The following RFX3 variants were observed in gnomAD, a reference collection of about 807,000 sequenced individuals.
RFX3 encodes regulatory factor X3.
RFX3 carries 14 observed loss-of-function variants against 98.6 expected under a neutral mutation model. The observed-to-expected ratio is 0.14, with a 90% CI of 0.09 to 0.22. The LOEUF (loss-of-function observed/expected upper bound fraction) is 0.22. Among genes scored for constraint, RFX3 ranks in the 10% least tolerant of loss-of-function variants. The pLI is 1.00. For missense variants in RFX3, 639 were observed against 926.9 expected (o/e 0.69, Z 4.03); for synonymous variants, 383 against 328.4 (o/e 1.17, Z -1.80).
intron 14 of RFX3, among the ~76,000 whole-genome samples, chr9:3,253,354 C>G (rs1343328877): frequency 2.6e-5 from 4 of 152,102 alleles, no homozygotes; most frequent in Non-Finnish European, 5.9e-5. Flanking sequence ...CATATATTGT[C>G]CAGTTGTAGG....
intron 2 of RFX3, among the ~76,000 whole-genome samples, chr9:3,381,044 A>C (rs997554509): frequency 6.6e-6 from 1 of 151,646 alleles, no homozygotes; most frequent in African/African-American, 2.4e-5. Context: ...AAAATAATTA[A>C]AGAAACACTC....
intron 1 of RFX3, among the ~76,000 whole-genome samples, chr9:3,406,881 T>C (rs971531864): frequency 3.9e-5 from 6 of 152,206 alleles, no homozygotes; most frequent in African/African-American, 1.4e-4. Context: ...TATAGTTTTT[T>C]AAAATAAAGA....
intron 3 of RFX3, among the ~76,000 whole-genome samples, chr9:3,342,164 T>C (rs1313637474): frequency 6.6e-6 from 1 of 152,236 alleles, no homozygotes; most frequent in Non-Finnish European, 1.5e-5. Context: ...TGTCAATATA[T>C]ATTAGTGTAC....
At chr9:3,362,268 T>C (rs964017012) in intron 2 of RFX3, among the ~76,000 whole-genome samples, 4 of 152,236 alleles carry the variant, frequency 2.6e-5, no homozygotes, top group Non-Finnish European at 5.9e-5. Flanking sequence ...AGCCCTTCCA[T>C]GTCAAAGAAT....
chr9:3,368,132 T>C (rs1837415782), intron 2 of RFX3, among the ~76,000 whole-genome samples: 1 of 152,200 alleles, frequency 6.6e-6, no homozygotes, highest in African/African-American at 2.4e-5. Context: ...GAAAATGCAA[T>C]TTATTGCATA....
At chr9:3,348,536 G>C (rs1383985749) in intron 2 of RFX3, among the ~76,000 whole-genome samples, 1 of 151,398 alleles carries the variant, frequency 6.6e-6, no homozygotes, top group Non-Finnish European at 1.5e-5. Flanking sequence ...TCATTTATTA[G>C]CAAAATCCTT....
In RFX3 at chr9:3,330,458, T is replaced by A; in HGVS notation, c.275A>T (p.Asn92Ile). The A allele has an allele frequency of 6.2e-7, 1 of 1,614,050 alleles. No individual in the cohort carries two copies. The highest frequency in any genetic ancestry group is 8.5e-7 in the Non-Finnish European group (1 of 1,179,948). ...GGAACTCCCTTGAGTATCAAAGTAA[T>A]TCCCTCCAGTATTTTGGCTGTACAT... Reference protein sequence around the residue: ...TQMYSQNTGGNYFDTQGSSAQ... With the variant: ...TQMYSQNTGGIYFDTQGSSAQ... Residue 92 changes from asparagine (N) to isoleucine (I), a missense_variant, in exon 4 of 17, where the codon AAT (asparagine) becomes ATT (isoleucine). Transcript: ENST00000617270.
intron 15 of RFX3, among the ~76,000 whole-genome samples, chr9:3,238,001 C>T (rs1335702548): frequency 1.3e-5 from 2 of 151,966 alleles, no homozygotes; most frequent in Non-Finnish European, 2.9e-5. Flanking sequence ...TTGTGTGCTC[C>T]CAGACAAGTT....
chr9:3,449,364 TCA>T (rs777836832), intron 1 of RFX3, among the ~76,000 whole-genome samples: 5 of 152,322 alleles, frequency 3.3e-5, no homozygotes, highest in South Asian at 2.1e-4. Context: ...CTTCTCTGCC[TCA>T]CACAGTTTTT....
chr9:3,464,416 A>C (rs1848008856), intron 1 of RFX3, among the ~76,000 whole-genome samples: 1 of 152,226 alleles, frequency 6.6e-6, no homozygotes, highest in Non-Finnish European at 1.5e-5. Flanking sequence ...CAGAACAACC[A>C]AATTGCGGTA....
At chr9:3,490,132 C>A (rs1850622589) in intron 1 of RFX3, 1 of 159,000 alleles carries the variant, frequency 6.3e-6, no homozygotes, top group Non-Finnish European at 1.3e-5. Context: ...TATTGCCAAC[C>A]ATCAAGAAAG....
At chr9:3,373,982 G>A (rs929682270) in intron 2 of RFX3, among the ~76,000 whole-genome samples, 11 of 152,082 alleles carry the variant, frequency 7.2e-5, no homozygotes, top group Non-Finnish European at 1.3e-4. Context: ...GGAGGCTGAA[G>A]CAGAAGAATC....
chr9:3,243,677 T>C (rs1820251749), intron 15 of RFX3, among the ~76,000 whole-genome samples: 1 of 152,230 alleles, frequency 6.6e-6, no homozygotes, highest in South Asian at 2.1e-4. Context: ...GATACATTCA[T>C]TGTTCTTAAG....
intron 14 of RFX3, among the ~76,000 whole-genome samples, chr9:3,255,264 A>T (rs1419867798): frequency 2.0e-5 from 3 of 152,228 alleles, no homozygotes; most frequent in African/African-American, 7.2e-5. Context: ...CATCATTATA[A>T]CCAAAGGTGG....
At chr9:3,514,634 A>T (rs1817975174) in intron 1 of RFX3, among the ~76,000 whole-genome samples, 1 of 152,104 alleles carries the variant, frequency 6.6e-6, no homozygotes, top group African/African-American at 2.4e-5. Context: ...TTTTTTGTAG[A>T]AACAGGGTCT....
rs114340349 is a variant in RFX3 at position 3,302,153 on chromosome 9, G to T, written c.475-533C>A. On this transcript the variant is annotated intron_variant, in intron 4 of 16. Transcript: ENST00000617270. ...CTCCATTAATCCTGTATTAAAATAT[G>T]GAAGTAGGGGGTCATCAGTATGAAC... Among the ~76,000 whole-genome samples the T allele has an allele frequency of 4.7e-3, 711 of 151,916 alleles. 5 individuals are homozygous for T. The highest frequency in any genetic ancestry group is 0.017 in the African/African-American group (689 of 41,500).
At position 3,224,215 on chromosome 9, in the gene RFX3, A is replaced by G. The variant is rs1295343373; in HGVS notation, c.*827T>C. ...TTTTTTTCTGCTTCAGTATCTAACT[A>G]TAACAGCCCCCACTTAACAGCAGAA... On this transcript the variant is annotated 3_prime_UTR_variant, in exon 17 of 17. Transcript: ENST00000617270. 2.6e-5 allele frequency: 4 copies of G among 152,138 alleles called. No homozygotes were observed. The highest frequency in any genetic ancestry group is 2.9e-5 in the Non-Finnish European group (2 of 68,012). 9.4% of individuals were successfully genotyped at this position (152,138 alleles called of 1,614,324 possible).
At chr9:3,270,687 C>G (rs1441451118) in intron 10 of RFX3, 162 bp from the exon 11 acceptor site, 5 of 710,720 alleles carry the variant, frequency 7.0e-6, no homozygotes, top group Non-Finnish European at 1.1e-5. Flanking sequence ...GAGAGACAGA[C>G]AGATATATAA....
At chr9:3,479,587 C>G (rs1449449454) in intron 1 of RFX3, among the ~76,000 whole-genome samples, 2 of 152,076 alleles carry the variant, frequency 1.3e-5, no homozygotes, top group Non-Finnish European at 2.9e-5. Flanking sequence ...TGTGAATCAT[C>G]AAAAACAAAG....
Sources: allele counts gnomAD v4.1 joint callset (sites outside exome capture counted in the v4.1 genomes callset), GRCh38; gene constraint gnomAD v4.1.1; transcripts MANE v1.5; gene names NCBI Gene and HGNC (gene_info 2026-07-23, HGNC 2026-07-21).